The following LRRC37A2 variants were observed in gnomAD, a reference collection of about 807,000 sequenced individuals.
LRRC37A2 encodes leucine-rich repeat-containing protein 37A2.
A neutral mutation model predicts 68.8 loss-of-function variants in LRRC37A2; 9 were observed. The observed-to-expected ratio is 0.13, with a 90% CI of 0.08 to 0.23. The LOEUF (loss-of-function observed/expected upper bound fraction) is 0.23, where lower values mean the gene tolerates loss of function less well. Among genes scored for constraint, LRRC37A2 ranks in the 10% least tolerant of loss-of-function variants. The probability of loss-of-function intolerance (pLI) is 1.00; values close to 1 mark genes in which losing one functional copy is unlikely to be tolerated. For synonymous variants in LRRC37A2, 63 were observed against 367.6 expected (o/e 0.17, Z 9.48); for missense variants, 168 against 950.4 (o/e 0.18, Z 10.82).
the LRRC37A2 span, among the ~76,000 whole-genome samples, chr17:46,874,045 G>C: frequency 6.6e-6 from 1 of 151,702 alleles, no homozygotes; most frequent in Admixed American, 6.6e-5. Flanking sequence ...GCCCCTCCTA[G>C]GCCAGCTGCT....
the LRRC37A2 span, among the ~76,000 whole-genome samples, chr17:47,025,801 A>G: frequency 8.1e-6 from 1 of 124,008 alleles, no homozygotes; most frequent in African/African-American, 3.1e-5. Context: ...AAGTGGGTGT[A>G]AAGACCCTCA....
the LRRC37A2 span, chr17:46,967,043 G>A: frequency 5.1e-6 from 1 of 194,694 alleles, no homozygotes. Context: ...TCCAACAAAG[G>A]TTTGTGGCCT....
At chr17:46,936,002 G>A in the LRRC37A2 span, 2 of 985,878 alleles carry the variant, frequency 2.0e-6, no homozygotes, top group Non-Finnish European at 2.4e-6. Context: ...ATCATGTTGA[G>A]TCTGTCAGCT....
the LRRC37A2 span, among the ~76,000 whole-genome samples, chr17:46,945,501 C>T: frequency 3.3e-5 from 5 of 152,164 alleles, no homozygotes; most frequent in Non-Finnish European, 7.3e-5. Flanking sequence ...AGCAGCCTAA[C>T]CTTGGGCTTA....
At chr17:46,529,578 C>A (rs1314565584) in intron 6 of LRRC37A2, among the ~76,000 whole-genome samples, 3 of 75,888 alleles carry the variant, frequency 4.0e-5, no homozygotes, top group Non-Finnish European at 1.1e-4. Context: ...GAGGCCAAGA[C>A]AGGCAGATCG....
the LRRC37A2 span, among the ~76,000 whole-genome samples, chr17:47,004,721 C>T: frequency 1.8e-4 from 27 of 152,170 alleles, no homozygotes; most frequent in African/African-American, 6.5e-4. Context: ...GTAGAGACAG[C>T]GTCTCACTAT....
At chr17:46,389,969 G>A in the LRRC37A2 span, among the ~76,000 whole-genome samples, 1 of 150,150 alleles carries the variant, frequency 6.7e-6, no homozygotes, top group African/African-American at 2.4e-5. Flanking sequence ...CACTGACTTA[G>A]TTTGCTTAGG....
the LRRC37A2 span, among the ~76,000 whole-genome samples, chr17:46,864,570 C>G: frequency 2.0e-5 from 3 of 152,288 alleles, no homozygotes; most frequent in East Asian, 5.8e-4. Flanking sequence ...GAGGGTCCAC[C>G]CTTGGGCCAC....
the LRRC37A2 span, among the ~76,000 whole-genome samples, chr17:46,945,882 G>A: frequency 6.6e-5 from 10 of 152,162 alleles, no homozygotes; most frequent in Non-Finnish European, 1.0e-4. Context: ...GATCGCTGCC[G>A]GGTGCTGTCC....
the LRRC37A2 span, among the ~76,000 whole-genome samples, chr17:47,023,514 C>T: frequency 2.0e-5 from 3 of 152,180 alleles, no homozygotes; most frequent in African/African-American, 7.2e-5. Flanking sequence ...AACCCCATCT[C>T]TACTAAAAAT....
chr17:46,861,086 T>C, the LRRC37A2 span, among the ~76,000 whole-genome samples: 5 of 152,208 alleles, frequency 3.3e-5, no homozygotes, highest in Non-Finnish European at 5.9e-5. Flanking sequence ...GCCAACCTCT[T>C]CATCTCTGCC....
the LRRC37A2 span, chr17:46,770,020 G>A: frequency 6.3e-7 from 1 of 1,578,282 alleles, no homozygotes; most frequent in Admixed American, 1.8e-5. Context: ...CCGAGGCGAT[G>A]GCGTGAACGA....
At chr17:46,633,607 C>T in the LRRC37A2 span, among the ~76,000 whole-genome samples, 1 of 134,518 alleles carries the variant, frequency 7.4e-6, no homozygotes, top group Non-Finnish European at 1.6e-5. Flanking sequence ...ACATTTTATT[C>T]ATTGTTCTCC....
At chr17:46,818,472 C>T in the LRRC37A2 span, 1 of 1,564,106 alleles carries the variant, frequency 6.4e-7, no homozygotes, top group Non-Finnish European at 8.7e-7. Flanking sequence ...CTTCCCCGGA[C>T]GCGGCGGAGA....
the LRRC37A2 span, among the ~76,000 whole-genome samples, chr17:46,610,095 C>CTT: frequency 4.8e-5 from 2 of 42,102 alleles, 1 homozygote; most frequent in Non-Finnish European, 1.0e-4. Flanking sequence ...TTTCTTTTCT[C>CTT]TCTTTCTCTC....
chr17:46,492,999 T>G, the LRRC37A2 span, among the ~76,000 whole-genome samples: 10 of 88,218 alleles, frequency 1.1e-4, 1 homozygote, highest in African/African-American at 2.6e-4. Context: ...TGGCCTCAAG[T>G]TTTTTTTTTT....
chr17:46,879,458 A>G, the LRRC37A2 span, among the ~76,000 whole-genome samples: 1 of 152,086 alleles, frequency 6.6e-6, no homozygotes. Flanking sequence ...AAAGTGTCTT[A>G]CTCATAATGA....
the LRRC37A2 span, among the ~76,000 whole-genome samples, chr17:46,914,584 G>A: frequency 6.9e-6 from 1 of 144,854 alleles, no homozygotes; most frequent in Non-Finnish European, 1.5e-5. Flanking sequence ...CCGGAAGGCG[G>A]AGGTTGCAGT....
the LRRC37A2 span, among the ~76,000 whole-genome samples, chr17:46,995,986 C>A: frequency 8.9e-4 from 135 of 152,278 alleles, no homozygotes; most frequent in Non-Finnish European, 9.6e-4. Context: ...GCTGCCTCCC[C>A]ACTCAGCAGG....
Sources: allele counts gnomAD v4.1 joint callset (sites outside exome capture counted in the v4.1 genomes callset), GRCh38; gene constraint gnomAD v4.1.1; transcripts MANE v1.5; gene names NCBI Gene and HGNC (gene_info 2026-07-23, HGNC 2026-07-21).